The following GLMN variants were observed in gnomAD, a reference collection of about 807,000 sequenced individuals.
GLMN encodes the protein glomulin.
GLMN carries 75 observed loss-of-function variants against 87.8 expected under a neutral mutation model. The observed-to-expected ratio is 0.85, with a 90% CI of 0.71 to 1.04. GLMN has a LOEUF of 1.04. GLMN is among the 50% of genes least tolerant of loss of function. The pLI is 0.00. For synonymous variants in GLMN, 206 were observed against 221.6 expected (o/e 0.93, Z 0.63); for missense variants, 588 against 658.8 (o/e 0.89, Z 1.18).
At chr1:92,340,805 T>C in the GLMN span, among the ~76,000 whole-genome samples, 1 of 152,166 alleles carries the variant, frequency 6.6e-6, no homozygotes, top group African/African-American at 2.4e-5. Context: ...GAATGTTACA[T>C]TGGTTTACCT....
the GLMN span, among the ~76,000 whole-genome samples, chr1:92,356,267 A>C: frequency 6.6e-6 from 1 of 152,128 alleles, no homozygotes; most frequent in Admixed American, 6.6e-5. Context: ...GTGAGCCACC[A>C]TGCCCAGCCT....
upstream of GLMN, chr1:92,301,435 T>C (rs757352725): frequency 1.9e-6 from 2 of 1,035,730 alleles, no homozygotes; most frequent in East Asian, 2.5e-5. Flanking sequence ...ATGTTGGACA[T>C]GAAGCTTTTA....
intron 7 of GLMN, among the ~76,000 whole-genome samples, chr1:92,285,974 T>C (rs1344275254): frequency 2.6e-5 from 4 of 152,132 alleles, no homozygotes; most frequent in Non-Finnish European, 5.9e-5. Context: ...GAATTTCCAC[T>C]CTAGGAGTTT....
chr1:92,351,872 AGCCACTACTT>A, the GLMN span, among the ~76,000 whole-genome samples: 3 of 152,144 alleles, frequency 2.0e-5, no homozygotes, highest in African/African-American at 7.2e-5. Context: ...TTTGTAAATA[AGCCACTACTT>A]TGTATTCTGA....
At chr1:92,247,256 T>C (rs1260987225) in intron 17 of GLMN, 112 bp from the exon 18 acceptor site, 1 of 742,782 alleles carries the variant, frequency 1.3e-6, no homozygotes, top group Non-Finnish European at 2.5e-6. Context: ...GTATAAATTA[T>C]TAAGTCCATT....
chr1:92,283,853 G>A (rs1648393166), intron 7 of GLMN, among the ~76,000 whole-genome samples: 1 of 152,140 alleles, frequency 6.6e-6, no homozygotes, highest in Non-Finnish European at 1.5e-5. Flanking sequence ...CAAATCATGA[G>A]TGAATTCCCA....
At chr1:92,342,208 T>C in the GLMN span, among the ~76,000 whole-genome samples, 1 of 152,162 alleles carries the variant, frequency 6.6e-6, no homozygotes, top group Non-Finnish European at 1.5e-5. Flanking sequence ...GAAGACTTCA[T>C]TGAGAAGACA....
At chr1:92,347,256 G>T in the GLMN span, among the ~76,000 whole-genome samples, 2 of 152,174 alleles carry the variant, frequency 1.3e-5, no homozygotes, top group Non-Finnish European at 2.9e-5. Context: ...TTGTGAAACA[G>T]ATCTTATTAA....
At chr1:92,357,955 C>T in the GLMN span, among the ~76,000 whole-genome samples, 2 of 152,300 alleles carry the variant, frequency 1.3e-5, no homozygotes, top group East Asian at 3.9e-4. Flanking sequence ...GACACAGGAT[C>T]TCGCCCTGTT....
chr1:92,344,686 A>T, the GLMN span, among the ~76,000 whole-genome samples: 1 of 152,182 alleles, frequency 6.6e-6, no homozygotes, highest in East Asian at 1.9e-4. Flanking sequence ...CCAAATTGTC[A>T]TTCAATTGCT....
chr1:92,336,227 A>G, the GLMN span: 57 of 683,962 alleles, frequency 8.3e-5, no homozygotes, highest in East Asian at 1.4e-3. Flanking sequence ...TAACCTTTAA[A>G]TCATGACTGC....
the GLMN span, among the ~76,000 whole-genome samples, chr1:92,328,441 A>C: frequency 6.6e-6 from 1 of 152,190 alleles, no homozygotes; most frequent in Non-Finnish European, 1.5e-5. Flanking sequence ...TTTATTGCTG[A>C]GACTTTCCAG....
chr1:92,358,718 G>A, the GLMN span, among the ~76,000 whole-genome samples: 113 of 151,930 alleles, frequency 7.4e-4, no homozygotes, highest in Middle Eastern at 3.4e-3. Flanking sequence ...CTCCCGTGCA[G>A]CTGGGACCAT....
chr1:92,299,103 C>A, upstream of GLMN: 1 of 1,521,208 alleles, frequency 6.6e-7, no homozygotes, highest in Non-Finnish European at 8.8e-7. Flanking sequence ...CGTCTTCTGC[C>A]GGCCGCAAGG....
chr1:92,303,989 A>T, the GLMN span: 3 of 1,607,022 alleles, frequency 1.9e-6, 1 homozygote, highest in South Asian at 3.4e-5. Flanking sequence ...GAGGTTCATT[A>T]CACCTGCTCA....
chr1:92,279,806 C>T (rs914650891), intron 7 of GLMN, among the ~76,000 whole-genome samples: 7 of 152,266 alleles, frequency 4.6e-5, no homozygotes, highest in Non-Finnish European at 8.8e-5. Context: ...AGATACCCTG[C>T]CATGCCTGGC....
At chr1:92,282,886 G>C (rs1570945210) in intron 7 of GLMN, among the ~76,000 whole-genome samples, 1 of 151,996 alleles carries the variant, frequency 6.6e-6, no homozygotes, top group Non-Finnish European at 1.5e-5. Flanking sequence ...GAAGAAATGG[G>C]TAAATTCCCA....
chr1:92,312,377 C>T, the GLMN span, among the ~76,000 whole-genome samples: 1 of 150,876 alleles, frequency 6.6e-6, no homozygotes, highest in Admixed American at 6.6e-5. Flanking sequence ...TTAGATCACA[C>T]CACTGCACTC....
the GLMN span, among the ~76,000 whole-genome samples, chr1:92,306,027 A>G: frequency 6.6e-6 from 1 of 152,350 alleles, no homozygotes; most frequent in East Asian, 1.9e-4. Flanking sequence ...TATACACACA[A>G]TGGAATATTA....
Sources: allele counts gnomAD v4.1 joint callset (sites outside exome capture counted in the v4.1 genomes callset), GRCh38; gene constraint gnomAD v4.1.1; transcripts MANE v1.5; gene names NCBI Gene and HGNC (gene_info 2026-07-23, HGNC 2026-07-21).